The following PIK3C2G variants were observed in gnomAD, a reference collection of about 807,000 sequenced individuals.
PIK3C2G encodes the protein phosphatidylinositol-4-phosphate 3-kinase catalytic subunit type 2 gamma, also known as phosphatidylinositol 3-kinase C2 domain-containing subunit gamma.
Under a neutral mutation model 181.1 loss-of-function variants are expected in PIK3C2G, and 168 were observed. The ratio of observed to expected loss-of-function variants is 0.93; its 90% CI spans 0.82 to 1.05. The LOEUF (loss-of-function observed/expected upper bound fraction) is 1.05. Among genes scored for constraint, PIK3C2G ranks in the 50% least tolerant of loss-of-function variants. PIK3C2G has a pLI of 0.00. For synonymous variants in PIK3C2G, 573 were observed against 592.2 expected (o/e 0.97, Z 0.47); for missense variants, 1,869 against 1,732.8 (o/e 1.08, Z -1.40).
rs1021728332 is a variant in PIK3C2G, at chr12:18,598,343, C to T, written c.4087+3774C>T. ...AGAACAGAGCCCTCAGAAAAAACGC[C>T]GCATATCTACAACTATCTGATCTTT... On this transcript the variant is annotated intron_variant, in intron 30 of 32. Transcript: ENST00000538779. Among the ~76,000 whole-genome samples, 870 of 151,722 alleles carry T rather than the reference C, an allele frequency of 5.7e-3. 15 individuals are homozygous for T. The highest frequency in any genetic ancestry group is 0.022 in the East Asian group (114 of 5,130).
chr12:18,677,279 G>A, the PIK3C2G span, among the ~76,000 whole-genome samples: 6 of 152,070 alleles, frequency 3.9e-5, no homozygotes, highest in Non-Finnish European at 8.8e-5. Flanking sequence ...AGGAAAGATG[G>A]CGAGCAAGAC....
chr12:18,491,008 A>T (rs1343085898), intron 19 of PIK3C2G, among the ~76,000 whole-genome samples: 2 of 151,546 alleles, frequency 1.3e-5, no homozygotes, highest in African/African-American at 2.4e-5. Context: ...ACTGTACGTA[A>T]TTTTTTTTTG....
In PIK3C2G at chr12:18,597,037, T is replaced by C. The variant is rs908482687; in HGVS notation, c.4087+2468T>C. ...AAAATATTTTGGACTTTTACTTTGA[T>C]CTGGGAAGAAAAAGATTAAAAAATG... On this transcript the variant is annotated intron_variant, in intron 30 of 32. Transcript: ENST00000538779. Among the ~76,000 whole-genome samples, 4 of 152,064 alleles carry C rather than the reference T, an allele frequency of 2.6e-5. No homozygotes were observed. In the East Asian group the frequency reaches 7.7e-4, roughly 29 times the overall value.
chr12:18,558,904 A>G (rs1945149428), intron 26 of PIK3C2G, among the ~76,000 whole-genome samples: 1 of 152,096 alleles, frequency 6.6e-6, no homozygotes, highest in South Asian at 2.1e-4. Context: ...GATTATACAA[A>G]CTCTAAAAGG....
At chr12:18,538,379 T>C in intron 25 of PIK3C2G, 67 bp downstream of exon 25, 1 of 1,374,636 alleles carries the variant, frequency 7.3e-7, no homozygotes, top group South Asian at 1.4e-5. Flanking sequence ...CAGTAGTCTA[T>C]TTTTACTAAT....
chr12:18,486,210 G>A (rs1238530436), intron 18 of PIK3C2G, among the ~76,000 whole-genome samples: 5 of 152,118 alleles, frequency 3.3e-5, no homozygotes, highest in Admixed American at 2.6e-4. Flanking sequence ...CTCACCAGGA[G>A]AACATGTAAT....
At chr12:18,482,877 G>A (rs1471572018) in intron 18 of PIK3C2G, among the ~76,000 whole-genome samples, 1 of 152,146 alleles carries the variant, frequency 6.6e-6, no homozygotes, top group Admixed American at 6.5e-5. Context: ...CTGCAAATAT[G>A]TAGAGGAGAT....
intron 22 of PIK3C2G, among the ~76,000 whole-genome samples, chr12:18,500,151 A>G (rs776473986): frequency 5.9e-5 from 9 of 152,086 alleles, no homozygotes; most frequent in Non-Finnish European, 1.2e-4. Flanking sequence ...ATGGAGGGAG[A>G]GGCGCGGCCG....
intron 29 of PIK3C2G, among the ~76,000 whole-genome samples, chr12:18,574,557 T>C (rs952532966): frequency 1.1e-4 from 17 of 152,180 alleles, no homozygotes; most frequent in African/African-American, 4.1e-4. Context: ...ACTGCCCCAA[T>C]TGTGCATCTT....
chr12:18,277,009 A>G (rs987014825), intron 1 of PIK3C2G, among the ~76,000 whole-genome samples: 5 of 152,194 alleles, frequency 3.3e-5, no homozygotes, highest in African/African-American at 1.2e-4. Context: ...GTAAAGATTA[A>G]TGTTTTCCCC....
chr12:18,249,504 AACCAT>A (rs1254374432), intron 1 of PIK3C2G, among the ~76,000 whole-genome samples: 1 of 152,122 alleles, frequency 6.6e-6, no homozygotes, highest in African/African-American at 2.4e-5. Context: ...TTAATCCATA[AACCAT>A]GTTTCATAAA....
the PIK3C2G span, among the ~76,000 whole-genome samples, chr12:18,726,256 C>A: frequency 6.6e-6 from 1 of 152,112 alleles, no homozygotes; most frequent in Non-Finnish European, 1.5e-5. Context: ...TCACTACCAC[C>A]TTTAAAATGT....
intron 14 of PIK3C2G, among the ~76,000 whole-genome samples, chr12:18,388,395 C>T (rs1257822534): frequency 6.6e-6 from 1 of 152,172 alleles, no homozygotes; most frequent in African/African-American, 2.4e-5. Flanking sequence ...GTGCCTCAGC[C>T]TCCCAAGTAG....
intron 18 of PIK3C2G, among the ~76,000 whole-genome samples, chr12:18,453,850 A>T (rs892432285): frequency 5.3e-5 from 8 of 152,138 alleles, no homozygotes. Flanking sequence ...GTCTAATTTG[A>T]ATGTTGTCAG....
intron 18 of PIK3C2G, among the ~76,000 whole-genome samples, chr12:18,472,663 C>A (rs1427760593): frequency 6.6e-6 from 1 of 151,970 alleles, no homozygotes; most frequent in Admixed American, 6.6e-5. Context: ...TCAATTGTTG[C>A]CCCTCTAAAA....
At chr12:18,444,186 TTA>T (rs1189655199) in intron 18 of PIK3C2G, among the ~76,000 whole-genome samples, 2 of 152,162 alleles carry the variant, frequency 1.3e-5, no homozygotes, top group East Asian at 1.9e-4. Context: ...CTCTATAATG[TTA>T]TGTTTGGCAT....
chr12:18,669,359 T>C, the PIK3C2G span, among the ~76,000 whole-genome samples: 1 of 152,212 alleles, frequency 6.6e-6, no homozygotes, highest in African/African-American at 2.4e-5. Flanking sequence ...GTAAACATTA[T>C]TTCATTTAAC....
At chr12:18,717,636 T>G in the PIK3C2G span, among the ~76,000 whole-genome samples, 1 of 152,146 alleles carries the variant, frequency 6.6e-6, no homozygotes, top group African/African-American at 2.4e-5. Context: ...CCCTTGCATG[T>G]TGCCTCAAAC....
At chr12:18,286,548 T>A (rs1949453504) in intron 2 of PIK3C2G, among the ~76,000 whole-genome samples, 1 of 152,058 alleles carries the variant, frequency 6.6e-6, no homozygotes, top group Admixed American at 6.5e-5. Flanking sequence ...TAACAGTAGT[T>A]ACCAAATAGA....
Sources: gnomAD v4.1 joint callset for allele counts (sites outside exome capture counted in the v4.1 genomes callset) on GRCh38, gnomAD v4.1.1 for gene constraint, MANE v1.5 for transcripts, NCBI Gene and HGNC (gene_info 2026-07-23, HGNC 2026-07-21) for gene names.